Variants in MYO16 observed in about 807,000 individuals in gnomAD.
MYO16 encodes the protein myosin XVI.
Under a neutral mutation model 205.3 loss-of-function variants are expected in MYO16, and 94 were observed. The observed-to-expected ratio is 0.46, with a 90% confidence interval of 0.39 to 0.54. MYO16 has a LOEUF of 0.54. Ranked by LOEUF, MYO16 falls within the 20% of genes least tolerant of loss-of-function variation. The pLI, the probability that MYO16 is intolerant of heterozygous loss-of-function variation, is 0.00. For missense variants in MYO16, 2,315 were observed against 2,387.5 expected, an observed-to-expected ratio of 0.97 and a Z score of 0.63; for synonymous variants, 988 against 954.0, an observed-to-expected ratio of 1.04 and a Z score of -0.66.
chr13:108,541,090 T>C, the MYO16 span, among the ~76,000 whole-genome samples: 6 of 152,112 alleles, frequency 3.9e-5, no homozygotes, highest in African/African-American at 1.4e-4. Flanking sequence ...AACAGTTTCA[T>C]AGGGCAGTTG....
chr13:109,184,570 TA>T (rs1879596769), intron 34 of MYO16, among the ~76,000 whole-genome samples: 1 of 151,952 alleles, frequency 6.6e-6, no homozygotes, highest in Non-Finnish European at 1.5e-5. Context: ...TTTGAGAAAA[TA>T]AGAAGTCAGA....
chr13:108,631,797 G>A (rs1423395483), intron 1 of MYO16, among the ~76,000 whole-genome samples: 1 of 152,176 alleles, frequency 6.6e-6, no homozygotes, highest in African/African-American at 2.4e-5. Flanking sequence ...ATAGAAGAAG[G>A]CCGGGCGTGA....
the MYO16 span, among the ~76,000 whole-genome samples, chr13:108,506,732 G>GC: frequency 2.0e-5 from 3 of 152,082 alleles, no homozygotes; most frequent in African/African-American, 7.2e-5. Flanking sequence ...AATAGAAGTG[G>GC]CAAGAGTGGG....
At chr13:108,967,206 G>A (rs1883830629) in intron 20 of MYO16, among the ~76,000 whole-genome samples, 1 of 151,736 alleles carries the variant, frequency 6.6e-6, no homozygotes, top group South Asian at 2.1e-4. Flanking sequence ...TTTGGCAAGA[G>A]AGAATAAATA....
intron 4 of MYO16, among the ~76,000 whole-genome samples, chr13:108,739,471 C>T (rs891099414): frequency 1.3e-5 from 2 of 152,234 alleles, no homozygotes; most frequent in African/African-American, 4.8e-5. Context: ...GGCCCCCACT[C>T]TCTTCTGACT....
At chr13:108,830,668 A>C (rs448480) in intron 9 of MYO16, among the ~76,000 whole-genome samples, 90,363 of 147,706 alleles carry the variant, frequency 0.61, 28,486 homozygotes, top group Middle Eastern at 0.71. Context: ...CTAGATGACG[A>C]GTTAGTGGGT....
At chr13:108,932,320 A>G (rs11069756) in intron 16 of MYO16, among the ~76,000 whole-genome samples, 7,071 of 152,076 alleles carry the variant, frequency 0.046, 318 homozygotes, top group Admixed American at 0.13. Context: ...ACTGCTGCTT[A>G]TTCTGCCTGC....
At chr13:108,712,627 T>C (rs1473411063) in intron 2 of MYO16, 34 bp from the exon 3 acceptor site, 3 of 1,595,308 alleles carry the variant, frequency 1.9e-6, no homozygotes, top group Admixed American at 1.7e-5. Flanking sequence ...AGAAGGACTC[T>C]CTGTAACTCC....
At chr13:109,161,099 GATGCATAATTCAGTAGA>G (rs1362998199) in intron 32 of MYO16, among the ~76,000 whole-genome samples, 1 of 152,196 alleles carries the variant, frequency 6.6e-6, no homozygotes, top group Non-Finnish European at 1.5e-5. Context: ...AGCGGAGGCT[GATGCATAATTCAGTAGA>G]ATGCCGCGGC....
chr13:108,871,500 C>T (rs1879063342), intron 12 of MYO16, among the ~76,000 whole-genome samples: 1 of 152,096 alleles, frequency 6.6e-6, no homozygotes, highest in African/African-American at 2.4e-5. Context: ...TTTGACTTTT[C>T]CTCCTAGCAG....
In MYO16 at chr13:109,141,191, C is replaced by A. The variant is rs763188407; in HGVS notation, c.4979C>A (p.Ser1660Tyr). The A allele has an allele frequency of 1.2e-6, 2 of 1,607,782 alleles. No homozygotes were observed. The highest frequency in any genetic ancestry group is 2.2e-5 in the South Asian group (2 of 90,838). ...AGCTCCTTCCCCAAGATCCCATATT[C>A]CCCCGTGAAGGCCACCAGGGCGGAC... ...PCSSFPKIPY[S>Y]PVKATRADAR... Residue 1660 changes from serine to tyrosine, a missense_variant, in exon 32 of 35, where the codon TCC (serine) becomes TAC (tyrosine). Ser to Tyr is a moderately radical substitution (Grantham distance 144). Coordinates refer to ENST00000457511, the MANE Select transcript of MYO16 (RefSeq NM_001198950.3). The surrounding 1 kb of genome is among the most constrained non-coding windows in gnomAD (Gnocchi z 4.1).
the MYO16 span, among the ~76,000 whole-genome samples, chr13:108,516,123 G>T: frequency 4.0e-5 from 6 of 151,640 alleles, no homozygotes; most frequent in African/African-American, 7.3e-5. Context: ...CTAGCAATCA[G>T]CGCGATTCCG....
intron 4 of MYO16, among the ~76,000 whole-genome samples, chr13:108,756,681 A>G (rs568272541): frequency 2.1e-4 from 32 of 151,630 alleles, no homozygotes; most frequent in Non-Finnish European, 4.0e-4. Context: ...TTTATTTTAA[A>G]AGCATTGCAA....
chr13:108,957,993 T>A (rs1390946549), intron 17 of MYO16, among the ~76,000 whole-genome samples, 194 bp downstream of exon 17: 1 of 151,958 alleles, frequency 6.6e-6, no homozygotes, highest in Non-Finnish European at 1.5e-5. Context: ...GGGCAGGACT[T>A]CATCCACATG....
At chr13:108,793,249 G>T (rs1886673880) in intron 5 of MYO16, among the ~76,000 whole-genome samples, 1 of 145,888 alleles carries the variant, frequency 6.9e-6, no homozygotes, top group African/African-American at 2.7e-5. Flanking sequence ...TCGCACCACT[G>T]CACTCCAGCC....
intron 7 of MYO16, among the ~76,000 whole-genome samples, chr13:108,807,052 G>A (rs779398714): frequency 1.3e-5 from 2 of 152,112 alleles, no homozygotes; most frequent in African/African-American, 4.8e-5. Flanking sequence ...GTAAACATTT[G>A]TCATAATACG....
intron 4 of MYO16, among the ~76,000 whole-genome samples, chr13:108,773,923 TCTA>T (rs1429135975): frequency 6.6e-6 from 1 of 152,040 alleles, no homozygotes; most frequent in Non-Finnish European, 1.5e-5. Flanking sequence ...AAACCCTGTC[TCTA>T]CTAAAAAATA....
At chr13:108,665,266 A>ATTAT (rs914480541) in intron 1 of MYO16, among the ~76,000 whole-genome samples, 12 of 151,822 alleles carry the variant, frequency 7.9e-5, no homozygotes, top group Admixed American at 2.0e-4. Flanking sequence ...AAGTTTATTT[A>ATTAT]TTATTTATTT....
At chr13:109,202,398 T>C (rs891936240) in intron 34 of MYO16, among the ~76,000 whole-genome samples, 2 of 152,220 alleles carry the variant, frequency 1.3e-5, no homozygotes, top group Admixed American at 6.5e-5. Context: ...ATGGCTATTC[T>C]TGTGGGAGAA....
Sources: gnomAD v4.1 joint callset for allele counts (sites outside exome capture counted in the v4.1 genomes callset) on GRCh38, gnomAD v4.1.1 for gene constraint, Gnocchi (gnomAD v3.1) non-coding constraint, MANE v1.5 for transcripts, NCBI Gene and HGNC (gene_info 2026-07-23, HGNC 2026-07-21) for gene names.